Variants in MAST2 observed in about 807,000 individuals in gnomAD.
MAST2 encodes microtubule associated serine/threonine kinase 2.
A neutral mutation model predicts 147.4 loss-of-function variants in MAST2; 70 were observed. That is an observed-to-expected ratio of 0.47 (90% confidence interval 0.39 to 0.58). The LOEUF (loss-of-function observed/expected upper bound fraction) is 0.58. Among genes scored for constraint, MAST2 ranks in the 20% least tolerant of loss-of-function variants. The pLI is 0.00. For synonymous variants in MAST2, 869 were observed against 896.8 expected (o/e 0.97, Z 0.55); for missense variants, 2,080 against 2,302.3 (o/e 0.90, Z 1.98).
At chr1:45,809,905 A>G (rs1644243084) in intron 1 of MAST2, among the ~76,000 whole-genome samples, 2 of 152,230 alleles carry the variant, frequency 1.3e-5, no homozygotes, top group Non-Finnish European at 2.9e-5. Flanking sequence ...TGTTTCTGTA[A>G]CATATTGTTT....
At chr1:45,832,068 C>T (rs1467671213) in intron 3 of MAST2, among the ~76,000 whole-genome samples, 2 of 152,108 alleles carry the variant, frequency 1.3e-5, no homozygotes, top group Non-Finnish European at 1.5e-5. Context: ...GCGTGAGCCA[C>T]CGCACCTGGC....
chr1:45,805,126 T>G (rs1055534776), intron 1 of MAST2, among the ~76,000 whole-genome samples: 5 of 151,252 alleles, frequency 3.3e-5, no homozygotes, highest in Non-Finnish European at 7.4e-5. Context: ...TTCGGCTCAC[T>G]GCAACCTCCA....
Position 45,882,361 on chromosome 1 carries a change from C to T in MAST2, c.469-3C>T. 1 of 1,611,604 alleles carries T rather than the reference C, an allele frequency of 6.2e-7. No individual in the cohort carries two copies. Among genetic ancestry groups the T allele is most frequent in the Non-Finnish European group, 8.5e-7 (1 of 1,177,950 alleles). ...TCTAACTTGCATATGTTTTGTTTTTCAGAAGGAGTTGAGCCTTCCAAGAAG... is the reference window on the plus strand; with the variant it reads ...TCTAACTTGCATATGTTTTGTTTTTTAGAAGGAGTTGAGCCTTCCAAGAAG... On this transcript the variant is annotated splice_polypyrimidine_tract_variant and splice_region_variant and intron_variant, in intron 3 of 28. Transcript: ENST00000361297.
At chr1:46,025,896 A>C in intron 16 of MAST2, 81 bp downstream of exon 16, 1 of 1,559,960 alleles carries the variant, frequency 6.4e-7, no homozygotes, top group South Asian at 1.1e-5. Context: ...CAGTAGCTCT[A>C]AATCTATCCA....
Position 46,031,057 on chromosome 1 carries a change from C to T in MAST2, c.2759C>T (p.Ser920Leu). The T allele has an allele frequency of 6.2e-7, 1 of 1,613,840 alleles. No homozygotes were observed. The highest frequency in any genetic ancestry group is 8.5e-7 in the Non-Finnish European group (1 of 1,179,860). Residue 920 changes from serine (S) to leucine (L), a missense_variant, in exon 23 of 29, where the codon TCA (serine) becomes TTA (leucine). Physicochemically the swap from Ser to Leu is moderately radical, Grantham distance 145. This residue lies in a region of MAST2 where 1,278 missense variants were observed against 1,304.2 expected (regional missense o/e 0.98). Coordinates refer to ENST00000361297, the MANE Select transcript of MAST2 (RefSeq NM_015112.3). The surrounding 1 kb of genome is among the most constrained non-coding windows in gnomAD (Gnocchi z 4.1). ...VSESSHTESD[S>L]SPPMTVRRRC... ...GAGTCATCCCACACAGAGAGTGACTCAAGCCCTCCAATGACAGTGCGACGC... is the reference window on the plus strand; with the variant it reads ...GAGTCATCCCACACAGAGAGTGACTTAAGCCCTCCAATGACAGTGCGACGC...
At chr1:45,917,165 T>C (rs949294985) in intron 4 of MAST2, among the ~76,000 whole-genome samples, 2 of 152,236 alleles carry the variant, frequency 1.3e-5, no homozygotes, top group African/African-American at 2.4e-5. Context: ...TAAGTTTTTG[T>C]CTCTGTTGTC....
In MAST2 at chr1:46,035,421, G is replaced by A. The variant is rs1646862343; in HGVS notation, c.4752G>A (p.Gly1584=). ...CCAGTGGTCCCCACAGGAGGCTCGG[G>A]AGCCCACAAGCCATTGAGGAGGCTG... ...ESPSGPHRRL[G]SPQAIEEAAS... Residue 1584 remains glycine, a synonymous_variant, in exon 29 of 29, where the codon GGG becomes GGA. Transcript: ENST00000361297. This position sits in a 1 kb window ranked among gnomAD's most constrained non-coding sequence, Gnocchi z 5.5. 2.5e-6 allele frequency: 4 copies of A among 1,612,422 alleles called. No homozygotes were observed. In the African/African-American group the frequency reaches 5.3e-5, roughly 22 times the overall value.
At chr1:45,930,835 G>A (rs552360393) in intron 4 of MAST2, among the ~76,000 whole-genome samples, 1 of 152,194 alleles carries the variant, frequency 6.6e-6, no homozygotes, top group Non-Finnish European at 1.5e-5. Flanking sequence ...CATTTTTTAA[G>A]GGATATTTAC....
intron 5 of MAST2, among the ~76,000 whole-genome samples, chr1:45,994,634 T>A (rs1432143451): frequency 3.3e-5 from 5 of 152,040 alleles, no homozygotes; most frequent in Non-Finnish European, 7.4e-5. Flanking sequence ...CTTTCAGGTG[T>A]GGCCAGTCCC....
chr1:46,002,916 C>A, intron 7 of MAST2, 33 bp downstream of exon 7: 1 of 1,580,298 alleles, frequency 6.3e-7, no homozygotes, highest in Non-Finnish European at 8.7e-7. Context: ...ATACTTCCTT[C>A]ACCCTAAGGA....
At chr1:45,843,451 G>A (rs916233294) in intron 3 of MAST2, among the ~76,000 whole-genome samples, 1 of 152,074 alleles carries the variant, frequency 6.6e-6, no homozygotes, top group South Asian at 2.1e-4. Context: ...TTTATATTCA[G>A]TGTGAGGCAA....
intron 3 of MAST2, among the ~76,000 whole-genome samples, chr1:45,877,429 A>G (rs960975186): frequency 1.4e-4 from 21 of 152,126 alleles, no homozygotes; most frequent in Non-Finnish European, 2.1e-4. Flanking sequence ...TTTACAAGAG[A>G]GAAGGCCTCA....
chr1:45,868,749 G>A (rs556362186), intron 3 of MAST2, among the ~76,000 whole-genome samples: 2 of 152,006 alleles, frequency 1.3e-5, no homozygotes, highest in African/African-American at 4.8e-5. Context: ...CTAATTTTTA[G>A]TCTTTAAAAA....
At chr1:45,998,593 A>G (rs1645148998) in intron 6 of MAST2, among the ~76,000 whole-genome samples, 1 of 152,138 alleles carries the variant, frequency 6.6e-6, no homozygotes, top group Non-Finnish European at 1.5e-5. Context: ...TTATTTTTTA[A>G]TTTTTAAAAT....
intron 5 of MAST2, among the ~76,000 whole-genome samples, chr1:45,994,200 C>T (rs1644959125): frequency 6.6e-6 from 1 of 151,578 alleles, no homozygotes; most frequent in Admixed American, 6.6e-5. Flanking sequence ...TGAACTTAAT[C>T]TCTAGCCCCT....
intron 4 of MAST2, among the ~76,000 whole-genome samples, chr1:45,898,023 C>T (rs768692246): frequency 2.0e-5 from 3 of 152,004 alleles, no homozygotes; most frequent in Admixed American, 6.6e-5. Flanking sequence ...GTGGGAGAAT[C>T]GCTTGAACCT....
At chr1:45,862,534 C>T (rs1050761678) in intron 3 of MAST2, among the ~76,000 whole-genome samples, 2 of 145,040 alleles carry the variant, frequency 1.4e-5, no homozygotes, top group East Asian at 2.0e-4. Flanking sequence ...TGCAGTGGCA[C>T]GATCTCAGCT....
intron 3 of MAST2, among the ~76,000 whole-genome samples, chr1:45,858,572 A>T (rs1160117121): frequency 6.8e-6 from 1 of 147,116 alleles, no homozygotes; most frequent in African/African-American, 2.5e-5. Flanking sequence ...TTGCCTGTTC[A>T]CTCTGATGGT....
intron 5 of MAST2, among the ~76,000 whole-genome samples, chr1:45,979,379 A>G (rs969590456): frequency 1.3e-5 from 2 of 151,200 alleles, no homozygotes; most frequent in African/African-American, 2.4e-5. Flanking sequence ...CGATTCTTAA[A>G]GTGGAAAAAG....
Sources: gnomAD v4.1 joint callset for allele counts (sites outside exome capture counted in the v4.1 genomes callset) on GRCh38, gnomAD v4.1.1 for gene constraint, gnomAD v4.1.1 regional missense constraint, Gnocchi (gnomAD v3.1) non-coding constraint, MANE v1.5 for transcripts, NCBI Gene and HGNC (gene_info 2026-07-23, HGNC 2026-07-21) for gene names.